The following STPG2 variants were observed in gnomAD, a reference collection of about 807,000 sequenced individuals.
The protein encoded by STPG2 is sperm-tail PG-rich repeat-containing protein 2.
Under a neutral mutation model 54.2 loss-of-function variants are expected in STPG2, and 56 were observed. The observed-to-expected ratio is 1.03, with a 90% CI of 0.83 to 1.29. The LOEUF (loss-of-function observed/expected upper bound fraction) is 1.29. Ranked by LOEUF, STPG2 falls within the 50% of genes most tolerant of loss-of-function variation. The pLI is 0.00. For synonymous variants in STPG2, 200 were observed against 181.8 expected (o/e 1.10, Z -0.81); for missense variants, 596 against 544.9 (o/e 1.09, Z -0.93).
intron 10 of STPG2, among the ~76,000 whole-genome samples, chr4:97,685,862 T>C (rs1723172573): frequency 6.6e-6 from 1 of 152,188 alleles, no homozygotes; most frequent in Admixed American, 6.5e-5. Context: ...TGTCCATTTT[T>C]GTAAAAAGGC....
intron 9 of STPG2, among the ~76,000 whole-genome samples, chr4:97,815,440 G>A (rs1727879527): frequency 6.6e-6 from 1 of 152,102 alleles, no homozygotes; most frequent in Non-Finnish European, 1.5e-5. Context: ...GTCATTCAGT[G>A]CTCAAAAAGT....
chr4:97,991,313 T>C (rs1423447013), intron 5 of STPG2, among the ~76,000 whole-genome samples: 1 of 151,392 alleles, frequency 6.6e-6, no homozygotes, highest in African/African-American at 2.4e-5. Flanking sequence ...CACACACACA[T>C]ATATATACAC....
intron 10 of STPG2, among the ~76,000 whole-genome samples, chr4:97,697,953 A>T (rs1723638853): frequency 6.6e-6 from 1 of 152,198 alleles, no homozygotes; most frequent in Non-Finnish European, 1.5e-5. Context: ...AACAATGCTT[A>T]TCACTGCCTT....
intron 9 of STPG2, among the ~76,000 whole-genome samples, chr4:97,816,540 A>G (rs970019350): frequency 6.6e-6 from 1 of 152,098 alleles, no homozygotes; most frequent in Non-Finnish European, 1.5e-5. Flanking sequence ...TTTAAAGATC[A>G]TTTCTGGATA....
chr4:97,577,105 G>A (rs771426580), intron 10 of STPG2, among the ~76,000 whole-genome samples: 40 of 152,236 alleles, frequency 2.6e-4, no homozygotes, highest in Non-Finnish European at 5.3e-4. Context: ...TGTTAGTAAC[G>A]CTGAGGAGAA....
chr4:97,658,019 T>C (rs187157370), intron 10 of STPG2, among the ~76,000 whole-genome samples: 1 of 152,326 alleles, frequency 6.6e-6, no homozygotes, highest in East Asian at 1.9e-4. Context: ...GAAGAACATA[T>C]GTGATTTGTT....
At chr4:97,567,291 G>C (rs1043103868) in intron 10 of STPG2, among the ~76,000 whole-genome samples, 3 of 151,078 alleles carry the variant, frequency 2.0e-5, no homozygotes, top group Non-Finnish European at 4.4e-5. Flanking sequence ...TACCAGACTG[G>C]GAAATTTTAA....
At chr4:97,687,977 T>G (rs189853692) in intron 10 of STPG2, among the ~76,000 whole-genome samples, 6 of 152,186 alleles carry the variant, frequency 3.9e-5, no homozygotes, top group Non-Finnish European at 7.4e-5. Flanking sequence ...GCAATCTTCA[T>G]AAATGTATAT....
intron 10 of STPG2, among the ~76,000 whole-genome samples, chr4:97,572,433 T>C (rs1732623557): frequency 6.6e-6 from 1 of 152,196 alleles, no homozygotes; most frequent in South Asian, 2.1e-4. Flanking sequence ...GAAGATCTTG[T>C]ATAAGTTGAA....
In STPG2 at chr4:98,097,462, T is replaced by C. The variant is rs59204721; in HGVS notation, c.612+8491A>G. Among the ~76,000 whole-genome samples the C allele has an allele frequency of 3.4e-3, 525 of 152,244 alleles. 3 individuals carry two copies. The highest frequency in any genetic ancestry group is 0.012 in the African/African-American group (506 of 41,546). On this transcript the variant is annotated intron_variant, in intron 5 of 10. Coordinates refer to ENST00000295268, the MANE Select transcript of STPG2 (RefSeq NM_174952.3). Reference sequence around the variant, plus strand: ...ATAAAAACCCTCAAAAAACCAGGTATAGAAGGAACATACCTCAACATAGTA... The same window carrying C: ...ATAAAAACCCTCAAAAAACCAGGTACAGAAGGAACATACCTCAACATAGTA...
At chr4:97,786,784 G>A (rs1033504302) in intron 9 of STPG2, among the ~76,000 whole-genome samples, 11 of 152,012 alleles carry the variant, frequency 7.2e-5, no homozygotes, top group Admixed American at 5.9e-4. Flanking sequence ...TGCTACACAG[G>A]CTAATATGCC....
At chr4:97,638,566 A>C (rs910857094) in intron 10 of STPG2, among the ~76,000 whole-genome samples, 16 of 150,778 alleles carry the variant, frequency 1.1e-4, no homozygotes, top group South Asian at 4.2e-4. Context: ...CAACCTACAA[A>C]ATGGGAGAAA....
intron 9 of STPG2, among the ~76,000 whole-genome samples, chr4:97,834,788 G>A (rs1728581520): frequency 6.6e-6 from 1 of 152,014 alleles, no homozygotes; most frequent in Admixed American, 6.6e-5. Flanking sequence ...CTCACCTTTT[G>A]TTGGTACTGA....
At chr4:97,626,572 T>C (rs1734143760) in intron 10 of STPG2, among the ~76,000 whole-genome samples, 1 of 152,156 alleles carries the variant, frequency 6.6e-6, no homozygotes, top group South Asian at 2.1e-4. Context: ...ATTTCGGAAT[T>C]TGAAATATTC....
At chr4:97,881,277 A>G (rs1730361233) in intron 8 of STPG2, among the ~76,000 whole-genome samples, 1 of 152,124 alleles carries the variant, frequency 6.6e-6, no homozygotes, top group Non-Finnish European at 1.5e-5. Context: ...TCCTTTTCCA[A>G]TATTTTCCAT....
At chr4:97,947,677 T>G (rs1178840805) in intron 7 of STPG2, among the ~76,000 whole-genome samples, 2 of 152,150 alleles carry the variant, frequency 1.3e-5, no homozygotes, top group African/African-American at 4.8e-5. Context: ...ATGGTTTTTG[T>G]TTTTAATTGT....
chr4:97,738,220 G>A lies in STPG2; in HGVS notation c.1205-25406C>T, dbSNP rs192795065. On this transcript the variant is annotated intron_variant, in intron 9 of 10. Coordinates refer to ENST00000295268, the MANE Select transcript of STPG2 (RefSeq NM_174952.3). ...AGAGCTCCTGAAGGAAGCACTAAAC[G>A]TGGAAAGGAACAATGGGTACCAGCC... 3.6e-3 allele frequency among the ~76,000 whole-genome samples: 555 copies of A among 152,212 alleles called. 4 individuals are homozygous for A. Among genetic ancestry groups the A allele is most frequent in the African/African-American group, 0.013 (519 of 41,520 alleles).
intron 4 of STPG2, among the ~76,000 whole-genome samples, chr4:97,549,890 A>T (rs995000784): frequency 6.6e-6 from 1 of 152,196 alleles, no homozygotes; most frequent in African/African-American, 2.4e-5. Context: ...TGTTGTTTGA[A>T]GCTATCAAGT....
At chr4:97,454,519 CAAAAAAAAAAAAAAAAAAAAAAA>C (rs10564687) in intron 4 of STPG2, among the ~76,000 whole-genome samples, 3 of 43,644 alleles carry the variant, frequency 6.9e-5, no homozygotes, top group Admixed American at 4.4e-4. Context: ...GACTCCGTCT[CAAAAAAAAAAAAAAAAAAAAAAA>C]AAAAAAAAAA....
Sources: allele counts gnomAD v4.1 joint callset (sites outside exome capture counted in the v4.1 genomes callset), GRCh38; gene constraint gnomAD v4.1.1; transcripts MANE v1.5; gene names NCBI Gene and HGNC (gene_info 2026-07-23, HGNC 2026-07-21).